ETS1: variants seen among roughly 807,000 people sequenced by gnomAD.
ETS1 encodes the protein ETS proto-oncogene 1, transcription factor, also known as protein C-ets-1.
A neutral mutation model predicts 58.6 loss-of-function variants in ETS1; 15 were observed. The ratio of observed to expected loss-of-function variants is 0.26; its 90% CI spans 0.17 to 0.39. The LOEUF is 0.39. Ranked by LOEUF, ETS1 falls within the 10% of genes least tolerant of loss-of-function variation. The pLI is 1.00. For missense variants in ETS1, 417 were observed against 610.5 expected (o/e 0.68, Z 3.34); for synonymous variants, 214 against 218.2 (o/e 0.98, Z 0.17).
At chr11:128,540,515 A>C (rs1225879043) in intron 3 of ETS1, among the ~76,000 whole-genome samples, 1 of 152,162 alleles carries the variant, frequency 6.6e-6, no homozygotes, top group Non-Finnish European at 1.5e-5. Flanking sequence ...CTGGAGGTGA[A>C]GGCAAGACAA....
At chr11:128,575,375 C>T (rs7943782) in intron 1 of ETS1, among the ~76,000 whole-genome samples, 2 of 151,962 alleles carry the variant, frequency 1.3e-5, no homozygotes, top group African/African-American at 4.8e-5. Context: ...CCTTGGTTGA[C>T]GGAGAGTAAC....
intron 2 of ETS1, among the ~76,000 whole-genome samples, chr11:128,569,184 T>G (rs1205455975): frequency 2.0e-5 from 3 of 152,168 alleles, no homozygotes; most frequent in Non-Finnish European, 2.9e-5. Context: ...CCTCCTAAAT[T>G]TTAACAATGA....
chr11:128,464,355 G>GACACACACACACACACACACAC lies in ETS1; in HGVS notation c.1124-750_1124-729dup. On this transcript the variant is annotated intron_variant, in intron 8 of 9. Transcript: ENST00000392668. The surrounding 1 kb of genome is among the most constrained non-coding windows in gnomAD (Gnocchi z 4.1). ...CATAGGTTCAGTATATTCTAAATTA[G>GACACACACACACACACACACAC]ACACACACACACACACACACACACA... Among the ~76,000 whole-genome samples, 1 of 145,014 alleles carries GACACACACACACACACACACAC rather than the reference G, an allele frequency of 6.9e-6. No individual in the cohort carries two copies. The highest frequency in any genetic ancestry group is 2.0e-4 in the East Asian group (1 of 4,890).
At chr11:128,524,504 TA>T in intron 3 of ETS1, among the ~76,000 whole-genome samples, 1 of 152,320 alleles carries the variant, frequency 6.6e-6, no homozygotes, top group South Asian at 2.1e-4. Context: ...AGAGCACTAA[TA>T]AGGTCATGTT....
intron 1 of ETS1, among the ~76,000 whole-genome samples, chr11:128,584,985 A>AGAAAGAAAGAAAG (rs1864951625): frequency 1.6e-5 from 1 of 62,030 alleles, no homozygotes; most frequent in Admixed American, 1.8e-4. Flanking sequence ...AAAGAAAGAA[A>AGAAAGAAAGAAAG]GAAAGGAAGG....
intron 3 of ETS1, among the ~76,000 whole-genome samples, chr11:128,490,962 C>T (rs2135462216): frequency 6.6e-6 from 1 of 152,148 alleles, no homozygotes. Context: ...TCAAGTGATC[C>T]ACCTGCCTCG....
intron 7 of ETS1, among the ~76,000 whole-genome samples, chr11:128,481,522 T>C (rs1000712919): frequency 3.3e-5 from 5 of 152,196 alleles, no homozygotes; most frequent in African/African-American, 1.2e-4. Flanking sequence ...CAGATACTTT[T>C]CAAGTAACCT....
intron 3 of ETS1, among the ~76,000 whole-genome samples, chr11:128,552,708 A>G (rs1864250489): frequency 2.0e-5 from 2 of 98,826 alleles, no homozygotes; most frequent in South Asian, 3.4e-4. Context: ...GACCGCTGGC[A>G]TTGATGGGAT....
At chr11:128,533,774 A>G (rs952984883) in intron 3 of ETS1, among the ~76,000 whole-genome samples, 1 of 152,234 alleles carries the variant, frequency 6.6e-6, no homozygotes, top group Non-Finnish European at 1.5e-5. Flanking sequence ...TACGTTACCA[A>G]AAATAATCTG....
intron 2 of ETS1, among the ~76,000 whole-genome samples, chr11:128,567,072 C>T (rs1406595479): frequency 6.6e-6 from 1 of 152,196 alleles, no homozygotes; most frequent in Admixed American, 6.5e-5. Context: ...AGAGGAATTG[C>T]CCAAAAGGTT....
chr11:128,553,197 T>C (rs1317273764), intron 3 of ETS1, among the ~76,000 whole-genome samples: 1 of 152,158 alleles, frequency 6.6e-6, no homozygotes, highest in African/African-American at 2.4e-5. Flanking sequence ...CTCTCGCTAA[T>C]GGCTCCAGGC....
intron 3 of ETS1, among the ~76,000 whole-genome samples, chr11:128,523,920 A>C (rs957492616): frequency 3.4e-5 from 5 of 148,490 alleles, no homozygotes; most frequent in African/African-American, 5.1e-5. Flanking sequence ...ATGAACCACA[A>C]AAAAAAAAAG....
At chr11:128,579,229 C>T (rs1050725613) in intron 1 of ETS1, among the ~76,000 whole-genome samples, 6 of 152,180 alleles carry the variant, frequency 3.9e-5, no homozygotes, top group African/African-American at 1.2e-4. Context: ...ACCCCTCACC[C>T]CAGCCTTTCC....
At chr11:128,476,470 CTG>C (rs1022894455) in intron 8 of ETS1, among the ~76,000 whole-genome samples, 1 of 152,236 alleles carries the variant, frequency 6.6e-6, no homozygotes, top group African/African-American at 2.4e-5. Flanking sequence ...GAAGCTACCT[CTG>C]TGCAGAATGC....
At chr11:128,562,173 G>A (rs1347858006) in intron 2 of ETS1, among the ~76,000 whole-genome samples, 2 of 152,180 alleles carry the variant, frequency 1.3e-5, no homozygotes, top group African/African-American at 4.8e-5. Flanking sequence ...GAGGCCGGGA[G>A]GCCAAGGCGG....
intron 6 of ETS1, among the ~76,000 whole-genome samples, chr11:128,485,731 A>T (rs55953338): frequency 0.15 from 22,735 of 152,156 alleles, 1,916 homozygotes; most frequent in Middle Eastern, 0.27. Context: ...CCAAGATCAA[A>T]TCCCTAACCC....
chr11:128,512,944 C>A (rs1165952863), intron 3 of ETS1, among the ~76,000 whole-genome samples: 1 of 152,262 alleles, frequency 6.6e-6, no homozygotes, highest in Non-Finnish European at 1.5e-5. Context: ...ACATCTCCCT[C>A]CTCCAGGTGA....
At chr11:128,517,298 C>G (rs1341710094) in intron 3 of ETS1, among the ~76,000 whole-genome samples, 1 of 152,234 alleles carries the variant, frequency 6.6e-6, no homozygotes, top group Non-Finnish European at 1.5e-5. Context: ...TTCTAATTTC[C>G]AGAGTTTTTG....
chr11:128,468,202 C>T (rs1296002091), intron 8 of ETS1, among the ~76,000 whole-genome samples: 1 of 152,186 alleles, frequency 6.6e-6, no homozygotes. Flanking sequence ...GCAACAATCT[C>T]ACTTTTTAAA....
Sources: gnomAD v4.1 joint callset for allele counts (sites outside exome capture counted in the v4.1 genomes callset) on GRCh38, gnomAD v4.1.1 for gene constraint, Gnocchi (gnomAD v3.1) non-coding constraint, MANE v1.5 for transcripts, NCBI Gene and HGNC (gene_info 2026-07-23, HGNC 2026-07-21) for gene names.